GTF2H3: variants seen among roughly 807,000 people sequenced by gnomAD.
The protein encoded by GTF2H3 is general transcription factor IIH subunit 3.
In GTF2H3, 42 loss-of-function variants were observed where a neutral mutation model predicts 51.1. The ratio of observed to expected loss-of-function variants is 0.82; its 90% CI spans 0.64 to 1.06. The LOEUF (loss-of-function observed/expected upper bound fraction) is 1.06. Among genes scored for constraint, GTF2H3 ranks in the 50% least tolerant of loss-of-function variants. The pLI, the probability that GTF2H3 is intolerant of heterozygous loss-of-function variation, is 0.00. For missense variants in GTF2H3, 326 were observed against 366.1 expected (o/e 0.89, Z 0.89); for synonymous variants, 123 against 123.8 (o/e 0.99, Z 0.04).
rs1955233684 is a variant in GTF2H3, at chr12:123,633,996, C to T, written c.13+124C>T. The stretch of plus-strand genomic sequence containing the variant: ...TCCGTTTGGTCTTTAGAGGAGTAGC[C>T]AAGGCATTCAGTCATTCATTCAGTA... On this transcript the variant is annotated intron_variant, in intron 1 of 12. Transcript: ENST00000543341. 19 of 963,020 alleles carry T rather than the reference C, an allele frequency of 2.0e-5. 1 individual carries two copies. Among genetic ancestry groups the T allele is most frequent in the South Asian group, 3.9e-5 (3 of 76,428 alleles). The allele number at this position is 963,020 out of a possible 1,614,324, so 59.7% of individuals were successfully genotyped here. A position where few individuals can be genotyped will look rare whatever the true frequency, so the allele number is the denominator to read the frequency against.
chr12:123,655,822 C>T lies in GTF2H3; in HGVS notation c.613C>T (p.Gln205Ter). ...AGACTCCGACTCAGGGCTCCTCCAA[C>T]AGGTATGTTTTAAAACCATGCTTTG... ...VLDSDSGLLQQACDITGGLYL... is the reference protein window; with the variant it reads ...VLDSDSGLLQ Residue 205 changes from glutamine to a stop codon, truncating the protein, a stop_gained and splice_region_variant, in exon 9 of 13, where the codon CAG becomes TAG. Transcript: ENST00000543341. LOFTEE classifies it high-confidence loss of function. 6.3e-7 allele frequency: 1 copy of T among 1,588,308 alleles called. No homozygotes were observed.
chr12:123,659,447 T>A, intron 9 of GTF2H3, 69 bp from the exon 10 acceptor site: 3 of 1,238,104 alleles, frequency 2.4e-6, no homozygotes, highest in East Asian at 4.6e-5. Flanking sequence ...GCATTGCTCA[T>A]GAGAACCTCA....
At chr12:123,640,035 T>C in intron 2 of GTF2H3, 1 of 447,108 alleles carries the variant, frequency 2.2e-6, no homozygotes, top group Non-Finnish European at 4.5e-6. Flanking sequence ...ATTGTTTGTA[T>C]TTTTAGTAGA....
At chr12:123,647,899 T>C (rs1278922201) in intron 3 of GTF2H3, 64 bp from the exon 4 acceptor site, 2 of 1,147,226 alleles carry the variant, frequency 1.7e-6, no homozygotes, top group South Asian at 1.9e-5. Context: ...AATTTCATTC[T>C]GATCATGAGT....
intron 1 of GTF2H3, among the ~76,000 whole-genome samples, chr12:123,635,040 G>A (rs1955257608): frequency 6.6e-6 from 1 of 152,180 alleles, no homozygotes; most frequent in African/African-American, 2.4e-5. Context: ...TCTCTTAATT[G>A]ATGTGAAACC....
At chr12:123,646,135 T>C (rs1955443643) in intron 3 of GTF2H3, among the ~76,000 whole-genome samples, 1 of 152,220 alleles carries the variant, frequency 6.6e-6, no homozygotes, top group Non-Finnish European at 1.5e-5. Flanking sequence ...CTGCAGCTGA[T>C]GTGTAAATGT....
chr12:123,638,936 C>T (rs867265126), intron 1 of GTF2H3, among the ~76,000 whole-genome samples: 1 of 151,820 alleles, frequency 6.6e-6, no homozygotes. Flanking sequence ...GCTGGGACTA[C>T]AGGCGCCCAC....
chr12:123,654,282 T>G (rs1593810801), intron 7 of GTF2H3, among the ~76,000 whole-genome samples: 9 of 93,750 alleles, frequency 9.6e-5, no homozygotes, highest in African/African-American at 1.3e-4. Context: ...TTTTGGGGGG[T>G]ATGTTTTGGA....
rs1341313173 is a variant in GTF2H3, at chr12:123,651,022, T to G, written c.393T>G (p.Thr131=). Residue 131 remains threonine, a synonymous_variant, in exon 5 of 13, where the codon ACT becomes ACG. Transcript: ENST00000543341. ...KSDIKGQHTE[T]LLAGSLAKAL... is the part of the protein sequence containing the mutation. ...ACATAAAGGGTCAACATACAGAAAC[T>G]TTGCTGGCAGGATCCCTGGCCAAAG... The G allele has an allele frequency of 4.3e-6, 7 of 1,613,256 alleles. No homozygotes were observed. The African/African-American group carries it at 6.7e-5, about 15-fold the overall frequency.
chr12:123,653,346 T>C (rs1955542759), intron 7 of GTF2H3, among the ~76,000 whole-genome samples: 1 of 151,622 alleles, frequency 6.6e-6, no homozygotes, highest in Non-Finnish European at 1.5e-5. Flanking sequence ...TTTTTTTTCC[T>C]GGCAGGGTGG....
At chr12:123,655,888 C>A in intron 9 of GTF2H3, 64 bp downstream of exon 9, 1 of 997,278 alleles carries the variant, frequency 1.0e-6, no homozygotes, top group Non-Finnish European at 1.6e-6. Context: ...ATATTGATTA[C>A]AATTTAAAAT....
At chr12:123,657,092 G>T (rs1228404736) in intron 9 of GTF2H3, among the ~76,000 whole-genome samples, 1 of 151,970 alleles carries the variant, frequency 6.6e-6, no homozygotes, top group East Asian at 1.9e-4. Context: ...AAAAAAAAAT[G>T]TGAAAGTTGG....
chr12:123,654,637 A>G (rs141969085), intron 7 of GTF2H3, among the ~76,000 whole-genome samples: 6 of 150,634 alleles, frequency 4.0e-5, no homozygotes, highest in African/African-American at 1.2e-4. Flanking sequence ...TTTTGGGTAT[A>G]TGTGCGTATG....
At chr12:123,638,425 C>T (rs2135778366) in intron 1 of GTF2H3, among the ~76,000 whole-genome samples, 1 of 152,048 alleles carries the variant, frequency 6.6e-6, no homozygotes. Context: ...CCCTCCTTGG[C>T]CTTCCAAAAT....
chr12:123,653,989 A>G (rs1955552104), intron 7 of GTF2H3, among the ~76,000 whole-genome samples: 2 of 152,248 alleles, frequency 1.3e-5, no homozygotes, highest in South Asian at 2.1e-4. Flanking sequence ...CGCAAGGAGC[A>G]TAGTATATAT....
At chr12:123,635,308 C>T (rs1055701579) in intron 1 of GTF2H3, among the ~76,000 whole-genome samples, 1 of 152,128 alleles carries the variant, frequency 6.6e-6, no homozygotes, top group Non-Finnish European at 1.5e-5. Context: ...CAGTGGCTCA[C>T]GCCTGTAATC....
At chr12:123,659,738 A>G (rs1363649951) in intron 10 of GTF2H3, 57 bp from the exon 11 acceptor site, 15 of 1,567,816 alleles carry the variant, frequency 9.6e-6, no homozygotes, top group Non-Finnish European at 1.3e-5. Flanking sequence ...GGTGGGCTTC[A>G]TGTTATTTTT....
In GTF2H3 at chr12:123,647,973, T is replaced by C. The variant is rs1404069998; in HGVS notation, c.211T>C (p.Tyr71His). ...ASHIQESRFL[Y>H]PGKNGRLGDF... ...CCCCTGCTGTTTCAGCCGATTCTTA[T>C]ATCCTGGAAAGAATGGCAGACTTGG... is the stretch of plus-strand genomic sequence containing the variant. Residue 71 changes from tyrosine (Y) to histidine (H), a missense_variant, in exon 4 of 13, where the codon TAT (tyrosine) becomes CAT (histidine). Physicochemically the swap from Tyr to His is moderately conservative, Grantham distance 83. Transcript: ENST00000543341. The C allele has an allele frequency of 6.2e-6, 10 of 1,612,752 alleles. No homozygotes were observed. The highest frequency in any genetic ancestry group is 2.7e-5 in the African/African-American group (2 of 74,862).
chr12:123,645,144 C>T (rs1955429022), intron 2 of GTF2H3, among the ~76,000 whole-genome samples: 1 of 152,202 alleles, frequency 6.6e-6, no homozygotes, highest in African/African-American at 2.4e-5. Flanking sequence ...AATCTTGGCT[C>T]ACTGCAGCCT....
Sources: gnomAD v4.1 joint callset for allele counts (sites outside exome capture counted in the v4.1 genomes callset) on GRCh38, gnomAD v4.1.1 for gene constraint, MANE v1.5 for transcripts, NCBI Gene and HGNC (gene_info 2026-07-23, HGNC 2026-07-21) for gene names.